Variants in MCPH1 observed in about 807,000 individuals in gnomAD.
The protein encoded by MCPH1 is microcephalin 1.
A neutral mutation model predicts 84.5 loss-of-function variants in MCPH1; 104 were observed. The ratio of observed to expected loss-of-function variants is 1.23; its 90% CI spans 1.05 to 1.45. The LOEUF is 1.45. Ranked by LOEUF, MCPH1 falls within the 40% of genes most tolerant of loss-of-function variation. MCPH1 has a pLI of 0.00. For synonymous variants in MCPH1, 514 were observed against 366.8 expected (o/e 1.40, Z -4.58); for missense variants, 1,498 against 1,005.7 (o/e 1.49, Z -6.62).
intron 11 of MCPH1, among the ~76,000 whole-genome samples, chr8:6,487,474 C>T (rs561154174): frequency 7.2e-5 from 11 of 152,338 alleles, no homozygotes; most frequent in African/African-American, 2.6e-4. Context: ...GGAATCTCAG[C>T]TTTTCACTGG....
chr8:6,440,915 G>T (rs936109760), intron 6 of MCPH1, among the ~76,000 whole-genome samples: 2 of 152,196 alleles, frequency 1.3e-5, no homozygotes, highest in African/African-American at 4.8e-5. Context: ...GGCAGCCAGG[G>T]CTGGGATGCC....
rs2583 is a variant in MCPH1 at position 6,445,561 on chromosome 8, C to G, written c.1825+14C>G. On this transcript the variant is annotated intron_variant, in intron 8 of 13. Coordinates refer to ENST00000344683, the MANE Select transcript of MCPH1 (RefSeq NM_024596.5). ...GATACAGTGGAAGTATGTGAATCTC[C>G]TTTTCCAAGTCACCTTCGCTAAATA... 2.8e-5 allele frequency: 44 copies of G among 1,562,048 alleles called. No individual in the cohort carries two copies. The Admixed American group carries it at 8.5e-4, about 30-fold the overall frequency.
At chr8:6,624,183 C>G (rs549729555) in intron 13 of MCPH1, among the ~76,000 whole-genome samples, 1 of 152,368 alleles carries the variant, frequency 6.6e-6, no homozygotes, top group African/African-American at 2.4e-5. Context: ...CCTGAGGCTT[C>G]GATCCCGCAA....
chr8:6,516,784 G>C (rs1022778634), intron 12 of MCPH1, among the ~76,000 whole-genome samples: 4 of 152,128 alleles, frequency 2.6e-5, no homozygotes, highest in African/African-American at 9.7e-5. Context: ...TGATTCTTCA[G>C]TGTCAAAATT....
At chr8:6,412,499 A>G (rs1798676329) in intron 2 of MCPH1, among the ~76,000 whole-genome samples, 2 of 152,352 alleles carry the variant, frequency 1.3e-5, no homozygotes, top group Admixed American at 6.5e-5. Flanking sequence ...GATTATCTTA[A>G]GCCAATTTCA....
intron 13 of MCPH1, among the ~76,000 whole-genome samples, chr8:6,628,638 A>G (rs542046899): frequency 1.8e-4 from 28 of 152,318 alleles, no homozygotes; most frequent in African/African-American, 5.8e-4. Context: ...AGCCATGTAT[A>G]TGCTGCTCCA....
intron 12 of MCPH1, among the ~76,000 whole-genome samples, chr8:6,557,760 C>A (rs979317682): frequency 4.0e-5 from 6 of 151,768 alleles, no homozygotes; most frequent in Non-Finnish European, 7.4e-5. Context: ...TGCTGACTTG[C>A]CATTAAGTAC....
chr8:6,406,870 G>GCCGC, intron 1 of MCPH1, among the ~76,000 whole-genome samples, 181 bp downstream of exon 1: 1 of 5,552 alleles, frequency 1.8e-4, no homozygotes, highest in African/African-American at 4.4e-4. Flanking sequence ...AAAACCCCCT[G>GCCGC]CTCCTGCTCT....
At chr8:6,440,435 G>A (rs12545939) in intron 6 of MCPH1, among the ~76,000 whole-genome samples, 34,736 of 151,994 alleles carry the variant, frequency 0.23, 4,730 homozygotes, top group African/African-American at 0.39. Context: ...CCTGTGTTGC[G>A]CAGGCAGGAC....
At chr8:6,499,615 G>A (rs749122866) in intron 11 of MCPH1, 41 of 447,088 alleles carry the variant, frequency 9.2e-5, no homozygotes, top group Admixed American at 4.3e-4. Flanking sequence ...CTGACCTCAT[G>A]AGAATAATGA....
chr8:6,445,320 C>G lies in MCPH1; in HGVS notation c.1598C>G (p.Ala533Gly). ...TTTTCTTACACCATTGAGGACCCTG[C>G]TCTTCCAAAAGGACATGATGATGAT... is the stretch of plus-strand genomic sequence containing the variant. ...NGFSYTIEDP[A>G]LPKGHDDDLT... Residue 533 changes from alanine to glycine, a missense_variant, in exon 8 of 14, where the codon GCT (alanine) becomes GGT (glycine). Ala to Gly is a moderately conservative substitution (Grantham distance 60). Coordinates refer to ENST00000344683, the MANE Select transcript of MCPH1 (RefSeq NM_024596.5). The G allele has an allele frequency of 6.2e-7, 1 of 1,614,234 alleles. No homozygotes were observed. Among genetic ancestry groups the G allele is most frequent in the Non-Finnish European group, 8.5e-7 (1 of 1,180,044 alleles).
chr8:6,552,269 T>C (rs1008831430), intron 12 of MCPH1, among the ~76,000 whole-genome samples: 38 of 152,154 alleles, frequency 2.5e-4, no homozygotes, highest in African/African-American at 8.9e-4. Flanking sequence ...ACACTGAACC[T>C]GAAGGGATGA....
At chr8:6,424,820 C>A (rs550356443) in intron 3 of MCPH1, among the ~76,000 whole-genome samples, 3 of 152,220 alleles carry the variant, frequency 2.0e-5, no homozygotes, top group Non-Finnish European at 4.4e-5. Context: ...GCAGACTTCT[C>A]TGAGTCTCCT....
At chr8:6,516,996 A>T (rs1816386432) in intron 12 of MCPH1, among the ~76,000 whole-genome samples, 1 of 152,230 alleles carries the variant, frequency 6.6e-6, no homozygotes, top group African/African-American at 2.4e-5. Context: ...TTAGTACTTC[A>T]TCCAGGTTTT....
Position 6,647,685 on chromosome 8 carries a change from T to C in MCPH1, c.*4636T>C, listed in dbSNP as rs1047380434. 8 of 152,232 alleles carry C rather than the reference T, an allele frequency of 5.3e-5. No individual in the cohort carries two copies. The highest frequency in any genetic ancestry group is 1.9e-4 in the African/African-American group (8 of 41,458). The allele number at this position is 152,232 out of a possible 1,614,324, so 9.4% of individuals were successfully genotyped here. A position where few individuals can be genotyped will look rare whatever the true frequency, so the allele number is the denominator to read the frequency against. On this transcript the variant is annotated 3_prime_UTR_variant, in exon 14 of 14. Transcript: ENST00000344683. Reference sequence around the variant, plus strand: ...AAAGACTACAAATTGTAAGATTCCATTTAGATACCATTTCTACAAACCGCA... The same window carrying C: ...AAAGACTACAAATTGTAAGATTCCACTTAGATACCATTTCTACAAACCGCA...
intron 8 of MCPH1, chr8:6,446,352 A>T (rs1368505161): frequency 2.0e-6 from 2 of 984,778 alleles, no homozygotes; most frequent in Non-Finnish European, 2.4e-6. Flanking sequence ...TTCTCTCTGC[A>T]TGATTTCTCT....
At chr8:6,626,297 G>A (rs1254733094) in intron 13 of MCPH1, 7 of 985,208 alleles carry the variant, frequency 7.1e-6, no homozygotes, top group Non-Finnish European at 8.4e-6. Context: ...GCTCCCTGGA[G>A]AATTTCATCT....
At chr8:6,642,894 T>C in intron 13 of MCPH1, 100 bp from the exon 14 acceptor site, 1 of 1,121,758 alleles carries the variant, frequency 8.9e-7, no homozygotes, top group Non-Finnish European at 1.3e-6. Context: ...CTCTTGGCTA[T>C]TTGTTTTTAA....
At chr8:6,621,962 C>T (rs1251069372) in intron 13 of MCPH1, among the ~76,000 whole-genome samples, 5 of 152,208 alleles carry the variant, frequency 3.3e-5, no homozygotes, top group Non-Finnish European at 2.9e-5. Context: ...ATCCAGGCTA[C>T]CCAAAGCCAC....
Sources: gnomAD v4.1 joint callset for allele counts (sites outside exome capture counted in the v4.1 genomes callset) on GRCh38, gnomAD v4.1.1 for gene constraint, MANE v1.5 for transcripts, NCBI Gene and HGNC (gene_info 2026-07-23, HGNC 2026-07-21) for gene names.